The following RYR2 variants were observed in gnomAD, a reference collection of about 807,000 sequenced individuals.
RYR2 encodes the protein cardiac muscle ryanodine receptor-calcium release channel.
Under a neutral mutation model 601.1 loss-of-function variants are expected in RYR2, and 227 were observed. The ratio of observed to expected loss-of-function variants is 0.38; its 90% CI spans 0.34 to 0.42. RYR2 has a LOEUF of 0.42. Among genes scored for constraint, RYR2 ranks in the 10% least tolerant of loss-of-function variants. RYR2 has a pLI of 1.00. For synonymous variants in RYR2, 2,223 were observed against 2,175.1 expected, an observed-to-expected ratio of 1.02 and a Z score of -0.61; for missense variants, 4,646 against 6,156.5, an observed-to-expected ratio of 0.75 and a Z score of 8.21.
At position 237,393,754 on chromosome 1, in the gene RYR2, G is replaced by C. The variant is rs1184310333; in HGVS notation, c.773+5571G>C. ...TCTGCTCTTTGCCTCTTCTCCTTTGGGAGAGATTCGCTTTTTACCCCAAAC... is the reference window on the plus strand; with the variant it reads ...TCTGCTCTTTGCCTCTTCTCCTTTGCGAGAGATTCGCTTTTTACCCCAAAC... On this transcript the variant is annotated intron_variant, in intron 10 of 104. Coordinates refer to ENST00000366574, the MANE Select transcript of RYR2 (RefSeq NM_001035.3). Among the ~76,000 whole-genome samples the C allele has an allele frequency of 4.6e-5, 7 of 152,230 alleles. No individual in the cohort carries two copies. In the East Asian group the frequency reaches 1.4e-3, roughly 29 times the overall value.
At chr1:237,415,082 C>A (rs1160041977) in intron 10 of RYR2, among the ~76,000 whole-genome samples, 1 of 152,094 alleles carries the variant, frequency 6.6e-6, no homozygotes, top group Non-Finnish European at 1.5e-5. Context: ...AACATCCTGC[C>A]ATGCACAGGA....
chr1:237,398,368 A>G (rs1199695402), intron 10 of RYR2, among the ~76,000 whole-genome samples: 2 of 152,242 alleles, frequency 1.3e-5, no homozygotes, highest in African/African-American at 4.8e-5. Flanking sequence ...TGCAAACCAT[A>G]TCTGATAAAG....
chr1:237,623,789 G>T lies in RYR2; in HGVS notation c.5941G>T (p.Asp1981Tyr). The change falls in exon 39 of 105, where the codon GAT (aspartate) becomes TAT (tyrosine). Residue 1981 changes from aspartate to tyrosine, a missense_variant. Physicochemically the swap from Asp to Tyr is radical, Grantham distance 160. Around this residue, in one of 17 missense-constraint regions of RYR2, gnomAD observed 170 missense variants for 184.5 expected, o/e 0.92. Transcript: ENST00000366574. ...GATCAATATGCTTCTCAATTTTAAGGATGACAAAAGTGAATGTCCATGTCC... is the reference window on the plus strand; with the variant it reads ...GATCAATATGCTTCTCAATTTTAAGTATGACAAAAGTGAATGTCCATGTCC... Reference protein sequence around the residue: ...EQINMLLNFKDDKSECPCPEE... With the variant: ...EQINMLLNFKYDKSECPCPEE... The T allele has an allele frequency of 6.2e-7, 1 of 1,611,374 alleles. No individual in the cohort carries two copies. The highest frequency in any genetic ancestry group is 8.5e-7 in the Non-Finnish European group (1 of 1,177,998).
chr1:237,609,046 TCC>T (rs1677493915), intron 35 of RYR2, among the ~76,000 whole-genome samples: 2 of 146,044 alleles, frequency 1.4e-5, no homozygotes, highest in African/African-American at 2.5e-5. Context: ...CTTCCTTCCT[TCC>T]TTGTCCCTGT....
At chr1:237,348,659 T>C (rs1051024339) in intron 3 of RYR2, among the ~76,000 whole-genome samples, 14 of 152,188 alleles carry the variant, frequency 9.2e-5, no homozygotes, top group African/African-American at 3.4e-4. Flanking sequence ...TTAGCTTGTA[T>C]ACAAATTTTA....
chr1:237,718,565 T>C (rs1449576388), intron 73 of RYR2, 44 bp downstream of exon 73: 2 of 970,620 alleles, frequency 2.1e-6, no homozygotes, highest in African/African-American at 1.6e-5. Context: ...TACCTATACA[T>C]TAGTTAATCT....
intron 83 of RYR2, among the ~76,000 whole-genome samples, chr1:237,760,361 T>TAAAAAAAAA (rs34435442): frequency 1.0e-5 from 1 of 100,126 alleles, no homozygotes; most frequent in African/African-American, 3.8e-5. Flanking sequence ...GTCGCTAATT[T>TAAAAAAAAA]AAAAAAAAAA....
intron 56 of RYR2, among the ~76,000 whole-genome samples, chr1:237,665,000 A>C (rs560533685): frequency 2.6e-5 from 4 of 152,354 alleles, no homozygotes; most frequent in African/African-American, 9.6e-5. Context: ...CCATTTACTA[A>C]AATTCCTGAT....
chr1:237,614,326 C>G lies in RYR2; in HGVS notation c.5198C>G (p.Thr1733Arg). ...TACATTGTCCCCATGACGGAGGAGACGAAGAGCATCACCCTGTTCCCTGAT... is the reference window on the plus strand; with the variant it reads ...TACATTGTCCCCATGACGGAGGAGAGGAAGAGCATCACCCTGTTCCCTGAT... ...NEYIVPMTEE[T>R]KSITLFPDEN... is the part of the protein sequence containing the mutation. The change falls in exon 37 of 105, where the codon ACG becomes AGG. Residue 1733 changes from threonine to arginine, a missense_variant. Coordinates refer to ENST00000366574, the MANE Select transcript of RYR2 (RefSeq NM_001035.3). This position sits in a 1 kb window ranked among gnomAD's most constrained non-coding sequence, Gnocchi z 4.3. 1 of 1,614,022 alleles carries G rather than the reference C, an allele frequency of 6.2e-7. No individual in the cohort carries two copies. The highest frequency in any genetic ancestry group is 8.5e-7 in the Non-Finnish European group (1 of 1,179,902).
intron 3 of RYR2, among the ~76,000 whole-genome samples, chr1:237,346,841 A>G (rs937855237): frequency 6.6e-6 from 1 of 152,190 alleles, no homozygotes; most frequent in Non-Finnish European, 1.5e-5. Flanking sequence ...CCCATATGAT[A>G]TTACAGTATG....
At chr1:237,303,317 T>TTTG (rs869252498) in intron 2 of RYR2, among the ~76,000 whole-genome samples, 1 of 140,814 alleles carries the variant, frequency 7.1e-6, no homozygotes, top group Admixed American at 6.9e-5. Context: ...TTTTTTTTTT[T>TTTG]GAGACAGAGT....
chr1:237,416,033 G>A (rs1704942966), intron 10 of RYR2, among the ~76,000 whole-genome samples: 1 of 152,174 alleles, frequency 6.6e-6, no homozygotes, highest in South Asian at 2.1e-4. Flanking sequence ...TATCTAAACA[G>A]GTAGGGAACG....
At chr1:237,798,290 A>AAAAC in intron 97 of RYR2, 120 bp downstream of exon 97, 1 of 892,048 alleles carries the variant, frequency 1.1e-6, no homozygotes, top group Non-Finnish European at 1.6e-6. Context: ...ATAGATGAGG[A>AAAAC]AAACAGAAAG....
intron 80 of RYR2, among the ~76,000 whole-genome samples, chr1:237,756,017 G>A (rs1318397787): frequency 6.6e-6 from 1 of 151,714 alleles, no homozygotes; most frequent in Middle Eastern, 3.2e-3. Flanking sequence ...CTGTGATACA[G>A]GCTTTGAATG....
At chr1:237,275,103 CACACACACAT>C (rs891376427) in intron 2 of RYR2, among the ~76,000 whole-genome samples, 2 of 151,824 alleles carry the variant, frequency 1.3e-5, no homozygotes, top group African/African-American at 4.8e-5. Flanking sequence ...CACACACACA[CACACACACAT>C]ACACACCGCA....
At chr1:237,526,632 C>T (rs1470527880) in intron 24 of RYR2, among the ~76,000 whole-genome samples, 2 of 152,182 alleles carry the variant, frequency 1.3e-5, no homozygotes, top group African/African-American at 4.8e-5. Flanking sequence ...TAGGCATGAA[C>T]CACCATGCCT....
At chr1:237,576,122 T>C (rs1442075526) in intron 29 of RYR2, among the ~76,000 whole-genome samples, 2 of 152,130 alleles carry the variant, frequency 1.3e-5, no homozygotes, top group African/African-American at 4.8e-5. Context: ...ACCAAATAAA[T>C]GAGAGGTGTG....
intron 58 of RYR2, 141 bp from the exon 59 acceptor site, chr1:237,673,955 A>T: frequency 1.8e-6 from 1 of 548,830 alleles, no homozygotes; most frequent in Non-Finnish European, 3.2e-6. Context: ...TAAAGGCAGT[A>T]GAGGCAGAAG....
chr1:237,766,078 G>T (rs1693827179), intron 84 of RYR2, among the ~76,000 whole-genome samples: 1 of 152,096 alleles, frequency 6.6e-6, no homozygotes, highest in Non-Finnish European at 1.5e-5. Context: ...AAAGTTCAAG[G>T]TACCAAACAC....
Sources: allele counts gnomAD v4.1 joint callset (sites outside exome capture counted in the v4.1 genomes callset), GRCh38; gene constraint gnomAD v4.1.1; regional missense constraint gnomAD v4.1.1; non-coding constraint Gnocchi (gnomAD v3.1); transcripts MANE v1.5; gene names NCBI Gene and HGNC (gene_info 2026-07-23, HGNC 2026-07-21).